Variants in RFTN1 observed in about 807,000 individuals in gnomAD.
RFTN1 encodes raftlin.
A neutral mutation model predicts 46.5 loss-of-function variants in RFTN1; 26 were observed. The ratio of observed to expected loss-of-function variants is 0.56; its 90% confidence interval spans 0.41 to 0.78. RFTN1 has a LOEUF of 0.78. Among genes scored for constraint, RFTN1 ranks in the 30% least tolerant of loss-of-function variants. The probability of loss-of-function intolerance (pLI) is 0.00; values close to 1 mark genes in which losing one functional copy is unlikely to be tolerated. For synonymous variants in RFTN1, 261 were observed against 284.2 expected (o/e 0.92, Z 0.82); for missense variants, 693 against 718.7 (o/e 0.96, Z 0.41).
chr3:16,318,402 G>T (rs562556548), intron 9 of RFTN1, among the ~76,000 whole-genome samples: 1 of 152,276 alleles, frequency 6.6e-6, no homozygotes, highest in South Asian at 2.1e-4. Flanking sequence ...AGAGAGAGGA[G>T]CCCAGGAATG....
rs1434574840 is a variant in RFTN1, at chr3:16,427,926, C to G, written c.332+5925G>C. Among the ~76,000 whole-genome samples the G allele has an allele frequency of 6.6e-6, 1 of 152,156 alleles. No homozygotes were observed. The highest frequency in any genetic ancestry group is 1.5e-5 in the Non-Finnish European group (1 of 68,034). The stretch of plus-strand genomic sequence containing the variant: ...CTAGAGCAAATGACAGCCGCAGAGC[C>G]TCCTCTTCTAAAGCACTCTCATTAA... On this transcript the variant is annotated intron_variant, in intron 3 of 9. Transcript: ENST00000334133. The surrounding 1 kb of genome is among the most constrained non-coding windows in gnomAD (Gnocchi z 5.4).
rs566180384 is a variant in RFTN1 at position 16,487,413 on chromosome 3, G to C, written c.145+6312C>G. ...CCTCTCTTGAAAACAGACTAGAACA[G>C]TGTTAAGCTATAGAACTTTCGGCAA... On this transcript the variant is annotated intron_variant, in intron 2 of 9. Transcript: ENST00000334133. 3.7e-4 allele frequency among the ~76,000 whole-genome samples: 57 copies of C among 152,350 alleles called. No individual in the cohort carries two copies. In the South Asian group the frequency reaches 0.012, roughly 32 times the overall value.
At position 16,345,099 on chromosome 3, in the gene RFTN1, C is replaced by T. The variant is rs2071554104; in HGVS notation, c.1146+12833G>A. 6.6e-6 allele frequency: 1 copy of T among 152,266 alleles called. No homozygotes were observed. Among genetic ancestry groups the T allele is most frequent in the African/African-American group, 2.4e-5 (1 of 41,438 alleles). 9.4% of individuals were successfully genotyped at this position (152,266 alleles called of 1,614,324 possible). On this transcript the variant is annotated intron_variant, in intron 7 of 9. Coordinates refer to ENST00000334133, the MANE Select transcript of RFTN1 (RefSeq NM_015150.2). This position sits in a 1 kb window ranked among gnomAD's most constrained non-coding sequence, Gnocchi z 5.2. ...AGACCTGCAACCACAAGGCCAACAA[C>T]CTAAGTGAGCTTGGAAGTGGATTCT...
Position 16,428,936 on chromosome 3 carries a change from A to T in RFTN1, c.332+4915T>A, listed in dbSNP as rs149390116. Reference sequence around the variant, plus strand: ...GAAGGATCACTTAACTATACTTAGAATTCAGAGTGAGTGCAACTATATTGT... The same window carrying T: ...GAAGGATCACTTAACTATACTTAGATTTCAGAGTGAGTGCAACTATATTGT... On this transcript the variant is annotated intron_variant, in intron 3 of 9. Transcript: ENST00000334133. This position sits in a 1 kb window ranked among gnomAD's most constrained non-coding sequence, Gnocchi z 4.7. Among the ~76,000 whole-genome samples the T allele has an allele frequency of 1.5e-4, 23 of 152,378 alleles. No homozygotes were observed. The East Asian group carries it at 4.4e-3, about 29-fold the overall frequency.
chr3:16,422,457 C>T lies in RFTN1; in HGVS notation c.332+11394G>A, dbSNP rs1440505875. Among the ~76,000 whole-genome samples the T allele has an allele frequency of 7.9e-5, 12 of 151,786 alleles. No individual in the cohort carries two copies. In the East Asian group the frequency reaches 1.9e-3, roughly 25 times the overall value. Reference sequence around the variant, plus strand: ...CATCCTGGCCAACATGGTGAAACCCCGTTTCTACTAAAAATACAAAAAAAT... The same window carrying T: ...CATCCTGGCCAACATGGTGAAACCCTGTTTCTACTAAAAATACAAAAAAAT... On this transcript the variant is annotated intron_variant, in intron 3 of 9. Transcript: ENST00000334133. The surrounding 1 kb of genome is among the most constrained non-coding windows in gnomAD (Gnocchi z 4.6).
At chr3:16,405,095 G>T (rs1485986265) in intron 4 of RFTN1, among the ~76,000 whole-genome samples, 4 of 152,062 alleles carry the variant, frequency 2.6e-5, no homozygotes, top group African/African-American at 9.7e-5. Flanking sequence ...GAACACATAG[G>T]CTGTTCATTC....
Position 16,493,827 on chromosome 3 carries a change from GT to G in RFTN1, c.42del (p.Lys14AsnfsTer10). 6.2e-7 allele frequency: 1 copy of G among 1,614,048 alleles called. No homozygotes were observed. The highest frequency in any genetic ancestry group is 8.5e-7 in the Non-Finnish European group (1 of 1,180,014). ...AAAGTTGAATAAATATTCCCAGGCC[GT>G]TTTTCATCACGTTTCTCTAACTTGT... ...GLNKLEKRDEKRPGNIYSTLK... is the reference protein window; with the variant it reads ...GLNKLEKRDEXRPGNIYSTLK... On this transcript the variant is annotated frameshift_variant, in exon 2 of 10. Coordinates refer to ENST00000334133, the MANE Select transcript of RFTN1 (RefSeq NM_015150.2). LOFTEE classifies it high-confidence loss of function.
Position 16,329,197 on chromosome 3 carries a change from A to C in RFTN1, c.1147-2321T>G, listed in dbSNP as rs1318923462. ...TCCGCCTCGGGATGACGCAGCAAGA[A>C]GGCCCTCACAAGATGCCAGGCCCTC... On this transcript the variant is annotated intron_variant, in intron 7 of 9. Transcript: ENST00000334133. The surrounding 1 kb of genome is among the most constrained non-coding windows in gnomAD (Gnocchi z 4.5). 6.6e-6 allele frequency among the ~76,000 whole-genome samples: 1 copy of C among 152,240 alleles called. No individual in the cohort carries two copies. Among genetic ancestry groups the C allele is most frequent in the Non-Finnish European group, 1.5e-5 (1 of 68,042 alleles).
chr3:16,490,414 G>A (rs1023656631), intron 2 of RFTN1, among the ~76,000 whole-genome samples: 2 of 152,170 alleles, frequency 1.3e-5, no homozygotes, highest in African/African-American at 2.4e-5. Flanking sequence ...TCCTAGGCGG[G>A]GGCAGTGGGC....
At chr3:16,377,158 AG>A (rs2073806485) in intron 5 of RFTN1, among the ~76,000 whole-genome samples, 1 of 152,070 alleles carries the variant, frequency 6.6e-6, no homozygotes, top group African/African-American at 2.4e-5. Flanking sequence ...AATCTTATTA[AG>A]GGCCTCGGCA....
At chr3:16,441,565 AC>A (rs2075624506) in intron 2 of RFTN1, among the ~76,000 whole-genome samples, 1 of 152,176 alleles carries the variant, frequency 6.6e-6, no homozygotes, top group South Asian at 2.1e-4. Flanking sequence ...CAAGAAAGAA[AC>A]CACCGCATAC....
Position 16,506,383 on chromosome 3 carries a change from G to A in RFTN1, c.-9+7059C>T, listed in dbSNP as rs1002555694. Reference sequence around the variant, plus strand: ...AGCACTTCAGCTTTACCCTGACTGAGTTGGAAGCCTCTGGAAGGTTTCGAG... The same window carrying A: ...AGCACTTCAGCTTTACCCTGACTGAATTGGAAGCCTCTGGAAGGTTTCGAG... On this transcript the variant is annotated intron_variant, in intron 1 of 9. Coordinates refer to ENST00000334133, the MANE Select transcript of RFTN1 (RefSeq NM_015150.2). The surrounding 1 kb of genome is among the most constrained non-coding windows in gnomAD (Gnocchi z 4.8). Among the ~76,000 whole-genome samples the A allele has an allele frequency of 2.0e-5, 3 of 152,282 alleles. No homozygotes were observed. The highest frequency in any genetic ancestry group is 4.8e-5 in the African/African-American group (2 of 41,558).
chr3:16,495,046 G>A (rs533962477), intron 1 of RFTN1, among the ~76,000 whole-genome samples: 7 of 152,148 alleles, frequency 4.6e-5, no homozygotes, highest in Non-Finnish European at 1.0e-4. Flanking sequence ...GAAGGAGACG[G>A]TGTAGCGACA....
At position 16,383,403 on chromosome 3, in the gene RFTN1, C is replaced by T. The variant is rs549863006; in HGVS notation, c.442-5301G>A. On this transcript the variant is annotated intron_variant, in intron 4 of 9. Transcript: ENST00000334133. The surrounding 1 kb of genome is among the most constrained non-coding windows in gnomAD (Gnocchi z 4.0). ...ACTAATCCACAACTTCACTCAGTTGCTCTATAATAAGTAAGGACATGCTCC... is the reference window on the plus strand; with the variant it reads ...ACTAATCCACAACTTCACTCAGTTGTTCTATAATAAGTAAGGACATGCTCC... 6.6e-6 allele frequency among the ~76,000 whole-genome samples: 1 copy of T among 152,250 alleles called. No homozygotes were observed. Among genetic ancestry groups the T allele is most frequent in the Admixed American group, 6.5e-5 (1 of 15,300 alleles).
intron 6 of RFTN1, among the ~76,000 whole-genome samples, chr3:16,366,561 A>C (rs1280630018): frequency 1.3e-5 from 2 of 152,058 alleles, no homozygotes; most frequent in African/African-American, 4.8e-5. Context: ...TCCTGCCAGC[A>C]TAGCCACGTC....
rs1467373844 is a variant in RFTN1, at chr3:16,402,238, CCT to C, written c.441+7135_441+7136del. On this transcript the variant is annotated intron_variant, in intron 4 of 9. Transcript: ENST00000334133. This position sits in a 1 kb window ranked among gnomAD's most constrained non-coding sequence, Gnocchi z 4.5. ...ATGACACGAAGGTTTAGTGAGTATT[CCT>C]CTTTCTCTTTCAATGTATCCATTAA... Among the ~76,000 whole-genome samples, 5 of 152,284 alleles carry C rather than the reference CCT, an allele frequency of 3.3e-5. No homozygotes were observed. The highest frequency in any genetic ancestry group is 5.9e-5 in the Non-Finnish European group (4 of 68,010).
At position 16,382,271 on chromosome 3, in the gene RFTN1, T is replaced by C. The variant is rs922591855; in HGVS notation, c.442-4169A>G. On this transcript the variant is annotated intron_variant, in intron 4 of 9. Transcript: ENST00000334133. This position sits in a 1 kb window ranked among gnomAD's most constrained non-coding sequence, Gnocchi z 4.7. Reference sequence around the variant, plus strand: ...TTTAACTAGACGACCACATTTAGATTTTATGAAGATCAATATTTGGCTAGA... The same window carrying C: ...TTTAACTAGACGACCACATTTAGATCTTATGAAGATCAATATTTGGCTAGA... Among the ~76,000 whole-genome samples the C allele has an allele frequency of 7.2e-5, 11 of 152,174 alleles. No individual in the cohort carries two copies. The highest frequency in any genetic ancestry group is 2.7e-4 in the African/African-American group (11 of 41,430).
At chr3:16,331,143 A>T (rs1029251049) in intron 7 of RFTN1, among the ~76,000 whole-genome samples, 3 of 152,204 alleles carry the variant, frequency 2.0e-5, no homozygotes, top group African/African-American at 7.2e-5. Flanking sequence ...CCTGACATCC[A>T]CAGGACTGAG....
intron 2 of RFTN1, chr3:16,482,830 C>A (rs562424496): frequency 6.8e-5 from 105 of 1,535,960 alleles, no homozygotes; most frequent in Admixed American, 2.2e-4. Context: ...AGGGGCAGAA[C>A]AGCCTTTCTG....
Sources: gnomAD v4.1 joint callset for allele counts (sites outside exome capture counted in the v4.1 genomes callset) on GRCh38, gnomAD v4.1.1 for gene constraint, Gnocchi (gnomAD v3.1) non-coding constraint, MANE v1.5 for transcripts, NCBI Gene and HGNC (gene_info 2026-07-23, HGNC 2026-07-21) for gene names.